MARCHF1: variants seen among roughly 807,000 people sequenced by gnomAD.
MARCHF1 encodes E3 ubiquitin-protein ligase MARCHF1.
MARCHF1 carries 40 observed loss-of-function variants against 54.2 expected under a neutral mutation model. The ratio of observed to expected loss-of-function variants is 0.74; its 90% CI spans 0.57 to 0.96. MARCHF1 has a LOEUF of 0.96. Among genes scored for constraint, MARCHF1 ranks in the 40% least tolerant of loss-of-function variants. The pLI is 0.00. For synonymous variants in MARCHF1, 236 were observed against 236.3 expected (o/e 1.00, Z 0.01); for missense variants, 586 against 656.5 (o/e 0.89, Z 1.17).
intron 1 of MARCHF1, among the ~76,000 whole-genome samples, chr4:164,296,738 C>T (rs1734421473): frequency 6.6e-6 from 1 of 152,118 alleles, no homozygotes; most frequent in African/African-American, 2.4e-5. Flanking sequence ...CCCACATCTA[C>T]CTTATATATG....
At chr4:163,837,935 A>C (rs921525154) in intron 4 of MARCHF1, among the ~76,000 whole-genome samples, 2 of 152,186 alleles carry the variant, frequency 1.3e-5, no homozygotes, top group African/African-American at 2.4e-5. Flanking sequence ...TAAGGATTAA[A>C]ATCAGTAATA....
intron 1 of MARCHF1, among the ~76,000 whole-genome samples, chr4:164,226,755 CTG>C (rs1038450584): frequency 1.3e-5 from 2 of 151,968 alleles, no homozygotes; most frequent in African/African-American, 4.8e-5. Flanking sequence ...TTTCAAATGA[CTG>C]TACATTCTTC....
Position 163,808,997 on chromosome 4 carries a change from T to G in MARCHF1, c.111+45024A>C, listed in dbSNP as rs556885061. On this transcript the variant is annotated intron_variant, in intron 4 of 9. Transcript: ENST00000514618. The stretch of plus-strand genomic sequence containing the variant: ...GGGTTTCAAACGCCAGCACCACCTC[T>G]ACCACCTCATCTCAAACAGTAGGTC... 1.7e-4 allele frequency among the ~76,000 whole-genome samples: 26 copies of G among 152,278 alleles called. 1 individual carries two copies. Among genetic ancestry groups the G allele is most frequent in the South Asian group, 1.0e-3 (5 of 4,820 alleles).
intron 4 of MARCHF1, among the ~76,000 whole-genome samples, chr4:163,735,647 T>A (rs1021816780): frequency 7.9e-4 from 121 of 152,312 alleles, no homozygotes; most frequent in African/African-American, 2.7e-3. Flanking sequence ...GAAGCCCTTA[T>A]GGCCTAATCA....
intron 2 of MARCHF1, among the ~76,000 whole-genome samples, chr4:164,028,679 A>C (rs1202321839): frequency 1.3e-5 from 2 of 152,178 alleles, no homozygotes; most frequent in Non-Finnish European, 2.9e-5. Flanking sequence ...ATATCATACA[A>C]TATATCCATG....
At chr4:163,631,392 C>T (rs901942949) in intron 5 of MARCHF1, among the ~76,000 whole-genome samples, 5 of 152,080 alleles carry the variant, frequency 3.3e-5, no homozygotes, top group African/African-American at 9.7e-5. Flanking sequence ...GGGCTTTCAC[C>T]GTGTTGGCCA....
At chr4:163,995,417 T>C (rs1027661030) in intron 2 of MARCHF1, among the ~76,000 whole-genome samples, 2 of 152,038 alleles carry the variant, frequency 1.3e-5, no homozygotes, top group African/African-American at 4.8e-5. Flanking sequence ...TATTGGCTGA[T>C]GTAATCAATT....
chr4:164,136,875 A>T (rs1756413923), intron 1 of MARCHF1, among the ~76,000 whole-genome samples: 1 of 152,192 alleles, frequency 6.6e-6, no homozygotes, highest in South Asian at 2.1e-4. Flanking sequence ...GGAAGAGAAG[A>T]GGGGTAGGAA....
chr4:163,716,708 G>T (rs1255394144), intron 4 of MARCHF1, among the ~76,000 whole-genome samples: 2 of 152,136 alleles, frequency 1.3e-5, no homozygotes, highest in African/African-American at 4.8e-5. Flanking sequence ...GCAGGGTTGG[G>T]ATGCAGCCAT....
chr4:164,242,254 G>A (rs1732790098), intron 1 of MARCHF1, among the ~76,000 whole-genome samples: 2 of 143,078 alleles, frequency 1.4e-5, no homozygotes, highest in Non-Finnish European at 3.0e-5. Context: ...GAGAGCAGTG[G>A]TTCTCCCAGC....
At chr4:163,888,571 T>C (rs765629231) in intron 3 of MARCHF1, among the ~76,000 whole-genome samples, 3 of 152,214 alleles carry the variant, frequency 2.0e-5, no homozygotes, top group Admixed American at 1.3e-4. Context: ...GCATTTTGAG[T>C]ATTCTTGTTT....
chr4:163,794,652 AC>A (rs1389216428), intron 4 of MARCHF1, among the ~76,000 whole-genome samples: 2 of 152,160 alleles, frequency 1.3e-5, no homozygotes, highest in Non-Finnish European at 2.9e-5. Flanking sequence ...TTCTGCATTA[AC>A]CATGTATTAC....
At position 164,334,992 on chromosome 4, in the gene MARCHF1, A is replaced by T. The variant is rs115103482; in HGVS notation, c.-323+48878T>A. ...CTGAAGACACAACTGAATTACCGCAATCTGATGATAAAACTTTAAACAAAT... is the reference window on the plus strand; with the variant it reads ...CTGAAGACACAACTGAATTACCGCATTCTGATGATAAAACTTTAAACAAAT... On this transcript the variant is annotated intron_variant, in intron 1 of 9. Transcript: ENST00000514618. Among the ~76,000 whole-genome samples the T allele has an allele frequency of 6.2e-3, 947 of 152,340 alleles. 12 individuals are homozygous for T. Among genetic ancestry groups the T allele is most frequent in the African/African-American group, 0.02 (819 of 41,588 alleles).
At chr4:163,699,695 T>C (rs1175587371) in intron 5 of MARCHF1, among the ~76,000 whole-genome samples, 1 of 152,206 alleles carries the variant, frequency 6.6e-6, no homozygotes, top group African/African-American at 2.4e-5. Flanking sequence ...TGAGAAGCCT[T>C]GAAATGGAAT....
chr4:164,300,971 G>A (rs1177867203), intron 1 of MARCHF1, among the ~76,000 whole-genome samples: 1 of 152,164 alleles, frequency 6.6e-6, no homozygotes, highest in Admixed American at 6.5e-5. Context: ...GATGGGGGAA[G>A]AGACGAAAAT....
chr4:164,171,896 T>C (rs537238865), intron 1 of MARCHF1, among the ~76,000 whole-genome samples: 1 of 152,350 alleles, frequency 6.6e-6, no homozygotes, highest in African/African-American at 2.4e-5. Context: ...TCAATTATTC[T>C]ATTAAGAATG....
At chr4:164,090,524 TG>T (rs1328073003) in intron 2 of MARCHF1, among the ~76,000 whole-genome samples, 13 of 152,230 alleles carry the variant, frequency 8.5e-5, no homozygotes, top group Middle Eastern at 3.4e-3. Flanking sequence ...GATTTTTGGT[TG>T]GAAATATCAC....
At chr4:163,640,374 G>C (rs1426452699) in intron 5 of MARCHF1, among the ~76,000 whole-genome samples, 1 of 152,144 alleles carries the variant, frequency 6.6e-6, no homozygotes, top group African/African-American at 2.4e-5. Context: ...TGGAGTTAAA[G>C]TCAGACAACT....
At chr4:164,142,950 G>T (rs1756588621) in intron 1 of MARCHF1, among the ~76,000 whole-genome samples, 1 of 152,016 alleles carries the variant, frequency 6.6e-6, no homozygotes, top group Non-Finnish European at 1.5e-5. Context: ...TGTATAACTA[G>T]AATAACCAAA....
Sources: gnomAD v4.1 joint callset for allele counts (sites outside exome capture counted in the v4.1 genomes callset) on GRCh38, gnomAD v4.1.1 for gene constraint, MANE v1.5 for transcripts, NCBI Gene and HGNC (gene_info 2026-07-23, HGNC 2026-07-21) for gene names.